The following PPP1R16A variants were observed in gnomAD, a reference collection of about 807,000 sequenced individuals.
PPP1R16A encodes the protein protein phosphatase 1 regulatory subunit 16A, also known as myosin phosphatase-targeting subunit 3.
In PPP1R16A, 39 loss-of-function variants were observed where a neutral mutation model predicts 46.6. The ratio of observed to expected loss-of-function variants is 0.84; its 90% confidence interval spans 0.65 to 1.09. The LOEUF is 1.09. PPP1R16A is among the 50% of genes least tolerant of loss of function. The probability of loss-of-function intolerance (pLI) is 0.00; values close to 1 mark genes in which losing one functional copy is unlikely to be tolerated. For synonymous variants in PPP1R16A, 413 were observed against 321.5 expected, an observed-to-expected ratio of 1.28 and a Z score of -3.04; for missense variants, 798 against 735.6, an observed-to-expected ratio of 1.08 and a Z score of -0.98.
At chr8:144,500,788 TG>T in intron 9 of PPP1R16A, 27 bp downstream of exon 9, 1 of 1,608,114 alleles carries the variant, frequency 6.2e-7, no homozygotes. Context: ...CACCTCCACC[TG>T]GGGGAGAGGA....
chr8:144,481,781 C>G (rs1214049728), intron 1 of PPP1R16A, among the ~76,000 whole-genome samples: 1 of 151,694 alleles, frequency 6.6e-6, no homozygotes, highest in African/African-American at 2.4e-5. Flanking sequence ...TTTCTTTTTT[C>G]TTTTTTGTTT....
rs1826087352 is a variant in PPP1R16A at position 144,496,793 on chromosome 8, C to G, written c.-402C>G. ...TGGTTGGCCCTGCCCTCCCTTCCCC[C>G]TCAGCAGGGTGCCCGGAAGCTGGAA... On this transcript the variant is annotated 5_prime_UTR_variant, in exon 3 of 12. Coordinates refer to ENST00000435887, the MANE Select transcript of PPP1R16A (RefSeq NM_001329443.2). The G allele has an allele frequency of 3.6e-6, 1 of 275,832 alleles. No homozygotes were observed. The allele number at this position is 275,832 out of a possible 1,614,324, so 17.1% of individuals were successfully genotyped here.
At chr8:144,492,304 G>A (rs1029688135) in intron 2 of PPP1R16A, among the ~76,000 whole-genome samples, 4 of 151,324 alleles carry the variant, frequency 2.6e-5, no homozygotes, top group Admixed American at 6.6e-5. Context: ...GTAGGGTGGC[G>A]TCCTAGAAAT....
chr8:144,499,306 G>GC (rs970737795), intron 5 of PPP1R16A: 4,794 of 507,522 alleles, frequency 9.4e-3, no homozygotes, highest in South Asian at 0.018. Context: ...CAGGCCTCGG[G>GC]CCCCCCCCCA....
At chr8:144,486,536 A>G (rs1825633735) in intron 1 of PPP1R16A, among the ~76,000 whole-genome samples, 1 of 152,160 alleles carries the variant, frequency 6.6e-6, no homozygotes. Flanking sequence ...TTGTCCTCAC[A>G]TCCTTGCCGT....
At chr8:144,480,034 T>G (rs1825340735) in intron 1 of PPP1R16A, among the ~76,000 whole-genome samples, 1 of 152,196 alleles carries the variant, frequency 6.6e-6, no homozygotes, top group South Asian at 2.1e-4. Flanking sequence ...GTAACTGGCA[T>G]GTCAAGAATT....
At chr8:144,478,348 G>A (rs923199899) in intron 1 of PPP1R16A, 14 of 369,622 alleles carry the variant, frequency 3.8e-5, no homozygotes, top group Non-Finnish European at 6.3e-5. Context: ...GGAGGAGGCC[G>A]GGGAGGGGCC....
chr8:144,498,402 G>A lies in PPP1R16A; in HGVS notation c.260-368G>A, dbSNP rs138868635. 905 of 330,456 alleles carry A rather than the reference G, an allele frequency of 2.7e-3. 9 individuals are homozygous for A. Among genetic ancestry groups the A allele is most frequent in the African/African-American group, 0.018 (836 of 47,704 alleles). The allele number at this position is 330,456 out of a possible 1,614,324, so 20.5% of individuals were successfully genotyped here. A position where few individuals can be genotyped will look rare whatever the true frequency, so the allele number is the denominator to read the frequency against. ...AGAGCTCATGAACACAGGGCTGGCA[G>A]GTTGTCAGGGAAGAGCCGAAGGAGC... On this transcript the variant is annotated intron_variant, in intron 3 of 11. Coordinates refer to ENST00000435887, the MANE Select transcript of PPP1R16A (RefSeq NM_001329443.2).
intron 2 of PPP1R16A, among the ~76,000 whole-genome samples, chr8:144,491,447 C>T (rs1343627412): frequency 2.6e-5 from 4 of 152,012 alleles, no homozygotes; most frequent in Non-Finnish European, 5.9e-5. Flanking sequence ...GAAACACTGT[C>T]TCTACAAAAC....
chr8:144,500,248 T>A lies in PPP1R16A; in HGVS notation c.581-19T>A. On this transcript the variant is annotated intron_variant, in intron 6 of 11. Coordinates refer to ENST00000435887, the MANE Select transcript of PPP1R16A (RefSeq NM_001329443.2). ...GGAGGGCTGCCGGTCGCGCTCCCTC[T>A]GAGCCTGCCGCCTCGCAGGCATCAC... 6.4e-7 allele frequency: 1 copy of A among 1,569,516 alleles called. No homozygotes were observed. The highest frequency in any genetic ancestry group is 1.2e-5 in the South Asian group (1 of 86,064).
chr8:144,500,929 G>T lies in PPP1R16A; in HGVS notation c.995G>T (p.Arg332Leu), dbSNP rs994607240. 2.6e-6 allele frequency: 4 copies of T among 1,520,782 alleles called. No homozygotes were observed. Among genetic ancestry groups the T allele is most frequent in the Non-Finnish European group, 1.8e-6 (2 of 1,138,968 alleles). 94.2% of individuals were successfully genotyped at this position (1,520,782 alleles called of 1,614,324 possible). A position where few individuals can be genotyped will look rare whatever the true frequency, so the allele number is the denominator to read the frequency against. Residue 332 changes from arginine to leucine, a missense_variant, in exon 10 of 12, where the codon CGC becomes CTC. Coordinates refer to ENST00000435887, the MANE Select transcript of PPP1R16A (RefSeq NM_001329443.2). ...DALLRAQSRQRSLLRRRTSSA... is the reference protein window; with the variant it reads ...DALLRAQSRQLSLLRRRTSSA... ...CTCCTGCGCGCCCAGAGCCGCCAGC[G>T]CTCCTTGCTGCGCCGCCGCACCTCC...
chr8:144,479,878 C>G (rs1210394414), intron 1 of PPP1R16A, among the ~76,000 whole-genome samples: 4 of 152,210 alleles, frequency 2.6e-5, no homozygotes, highest in Admixed American at 6.5e-5. Flanking sequence ...GCCAGGAGCT[C>G]AGAGCCTTCC....
At chr8:144,491,342 G>A (rs1825805346) in intron 2 of PPP1R16A, among the ~76,000 whole-genome samples, 1 of 152,284 alleles carries the variant, frequency 6.6e-6, no homozygotes, top group Non-Finnish European at 1.5e-5. Context: ...GGTCGGGTGT[G>A]GTGGCTCATA....
Position 144,500,109 on chromosome 8 carries a change from C to T in PPP1R16A, c.490C>T (p.Leu164=), listed in dbSNP as rs1177072536. ...ELLIASGANL[L]AVNTDGNMPY... is the part of the protein sequence containing the mutation. ...TCTTCCCTGCAGTGGCGCCAATCTC[C>T]TGGCGGTCAACACCGACGGGAACAT... Residue 164 remains leucine, a synonymous_variant, in exon 6 of 12, where the codon CTG becomes TTG. Transcript: ENST00000435887. 1 of 1,610,250 alleles carries T rather than the reference C, an allele frequency of 6.2e-7. No individual in the cohort carries two copies.
intron 1 of PPP1R16A, among the ~76,000 whole-genome samples, chr8:144,484,197 C>G (rs2130202691): frequency 2.0e-5 from 3 of 152,386 alleles, no homozygotes; most frequent in Middle Eastern, 6.8e-3. Flanking sequence ...CCCACCTAGA[C>G]CGAAAGGTCT....
intron 2 of PPP1R16A, among the ~76,000 whole-genome samples, chr8:144,491,291 C>T (rs1291746086): frequency 6.6e-6 from 1 of 151,966 alleles, no homozygotes; most frequent in Non-Finnish European, 1.5e-5. Context: ...CCATTTTTTG[C>T]TCCGTATCTC....
chr8:144,497,516 C>A, intron 3 of PPP1R16A, 63 bp downstream of exon 3: 1 of 1,601,110 alleles, frequency 6.2e-7, no homozygotes, highest in South Asian at 1.1e-5. Flanking sequence ...ACCTGGGTGC[C>A]GTCTCATGCC....
At chr8:144,495,299 A>G (rs13276862) in intron 2 of PPP1R16A, among the ~76,000 whole-genome samples, 8,076 of 151,986 alleles carry the variant, frequency 0.053, 348 homozygotes, top group Non-Finnish European at 0.081. Flanking sequence ...AGAAGGGGGC[A>G]TTCTATGAAA....
In PPP1R16A at chr8:144,498,288, C is replaced by G. The variant is rs965071362; in HGVS notation, c.260-482C>G. ...TGGTGACCTGGGCGAGAGCTGGGCC[C>G]GAGTTGGGATCTTTGATGGGGAGGG... On this transcript the variant is annotated intron_variant, in intron 3 of 11. Coordinates refer to ENST00000435887, the MANE Select transcript of PPP1R16A (RefSeq NM_001329443.2). 6 of 352,196 alleles carry G rather than the reference C, an allele frequency of 1.7e-5. No homozygotes were observed. The East Asian group carries it at 4.5e-4, about 26-fold the overall frequency. The allele number at this position is 352,196 out of a possible 1,614,324, so 21.8% of individuals were successfully genotyped here.
Sources: gnomAD v4.1 joint callset for allele counts (sites outside exome capture counted in the v4.1 genomes callset) on GRCh38, gnomAD v4.1.1 for gene constraint, MANE v1.5 for transcripts, NCBI Gene and HGNC (gene_info 2026-07-23, HGNC 2026-07-21) for gene names.